PIF1: variants seen among roughly 807,000 people sequenced by gnomAD.
PIF1 encodes the protein PIF1 5'-to-3' DNA helicase, also known as ATP-dependent DNA helicase PIF1.
Under a neutral mutation model 62.3 loss-of-function variants are expected in PIF1, and 67 were observed. The ratio of observed to expected loss-of-function variants is 1.08; its 90% CI spans 0.88 to 1.32. PIF1 has a LOEUF of 1.32. Among genes scored for constraint, PIF1 ranks in the 40% most tolerant of loss-of-function variants. The pLI is 0.00. For missense variants in PIF1, 886 were observed against 866.1 expected, an observed-to-expected ratio of 1.02 and a Z score of -0.29; for synonymous variants, 364 against 379.5, an observed-to-expected ratio of 0.96 and a Z score of 0.47.
chr15:64,816,045 A>G lies in PIF1; in HGVS notation c.*253T>C, dbSNP rs2084175739. 2 of 1,463,534 alleles carry G rather than the reference A, an allele frequency of 1.4e-6. No individual in the cohort carries two copies. Among genetic ancestry groups the G allele is most frequent in the African/African-American group, 1.4e-5 (1 of 70,386 alleles). The allele number at this position is 1,463,534 out of a possible 1,614,324, so 90.7% of individuals were successfully genotyped here. A position where few individuals can be genotyped will look rare whatever the true frequency, so the allele number is the denominator to read the frequency against. ...CAGCTACCACACAGGCTCATTCTCA[A>G]CTGGCACAGAAAGGGTTACTTCTGA... On this transcript the variant is annotated 3_prime_UTR_variant, in exon 13 of 13. Coordinates refer to ENST00000559239, the MANE Select transcript of PIF1 (RefSeq NM_001286496.2).
At position 64,824,056 on chromosome 15, in the gene PIF1, C is replaced by A. The variant is rs940592477; in HGVS notation, c.280G>T (p.Asp94Tyr). 6.3e-6 allele frequency: 8 copies of A among 1,263,414 alleles called. No individual in the cohort carries two copies. Among genetic ancestry groups the A allele is most frequent in the Non-Finnish European group, 8.0e-6 (8 of 1,005,984 alleles). 78.3% of individuals were successfully genotyped at this position (1,263,414 alleles called of 1,614,324 possible). ...GRSTLRLPAH[D>Y]TPGAGAVQLL... ...TGCACTGCGCCGGCCCCGGGGGTGT[C>A]GTGGGCGGGGAGCCGCAGGGTGCTG... The change falls in exon 2 of 13, where the codon GAC becomes TAC. Residue 94 changes from aspartate (D) to tyrosine (Y), a missense_variant. By Grantham distance (160) the Asp-to-Tyr change is radical (BLOSUM62 -3). Coordinates refer to ENST00000559239, the MANE Select transcript of PIF1 (RefSeq NM_001286496.2).
At position 64,823,790 on chromosome 15, in the gene PIF1, G is replaced by A; in HGVS notation, c.546C>T (p.Ala182=). 7.5e-7 allele frequency: 1 copy of A among 1,337,132 alleles called. No individual in the cohort carries two copies. The highest frequency in any genetic ancestry group is 2.8e-5 in the East Asian group (1 of 35,804). The allele number at this position is 1,337,132 out of a possible 1,614,324, so 82.8% of individuals were successfully genotyped here. A position where few individuals can be genotyped will look rare whatever the true frequency, so the allele number is the denominator to read the frequency against. ...TTCCCGTCCTCACTGTGCTAGGCTC[G>A]GCCCCAGCCTGGGGCTCCACAGGCC... is the stretch of plus-strand genomic sequence containing the variant. ...VKRPVEPQAG[A]EPSTEAPRWP... Residue 182 remains alanine (A), a synonymous_variant, in exon 2 of 13, where the codon GCC becomes GCT. Coordinates refer to ENST00000559239, the MANE Select transcript of PIF1 (RefSeq NM_001286496.2).
At chr15:64,820,463 C>G (rs2084269509) in intron 7 of PIF1, among the ~76,000 whole-genome samples, 1 of 152,256 alleles carries the variant, frequency 6.6e-6, no homozygotes, top group East Asian at 1.9e-4. Context: ...GTGGCATGAT[C>G]TTGGCTCACT....
chr15:64,819,759 T>G, intron 8 of PIF1, 88 bp downstream of exon 8: 1 of 1,575,796 alleles, frequency 6.3e-7, no homozygotes, highest in Non-Finnish European at 8.6e-7. Flanking sequence ...GTTGGGGGCC[T>G]AGGACCCAGA....
In PIF1 at chr15:64,821,259, G is replaced by T. The variant is rs1453937304; in HGVS notation, c.994C>A (p.Pro332Thr). Residue 332 changes from proline to threonine, a missense_variant, in exon 6 of 13, where the codon CCA (proline) becomes ACA (threonine). Transcript: ENST00000559239. Reference protein sequence around the residue: ...VARAVRQQNKPFGGIQLIICG... With the variant: ...VARAVRQQNKTFGGIQLIICG... Reference sequence around the variant, plus strand: ...ATGATGAGCTGGATCCCTCCGAATGGCTTGTTCTGCTGCCGGACAGCTCTG... The same window carrying T: ...ATGATGAGCTGGATCCCTCCGAATGTCTTGTTCTGCTGCCGGACAGCTCTG... 6 of 1,614,266 alleles carry T rather than the reference G, an allele frequency of 3.7e-6. No homozygotes were observed. Among genetic ancestry groups the T allele is most frequent in the Non-Finnish European group, 4.2e-6 (5 of 1,180,052 alleles).
intron 7 of PIF1, among the ~76,000 whole-genome samples, chr15:64,820,736 A>G (rs925955053): frequency 2.7e-5 from 4 of 146,428 alleles, no homozygotes; most frequent in Non-Finnish European, 6.0e-5. Context: ...TAGGTGATGG[A>G]GACCCAACCC....
intron 8 of PIF1, 59 bp downstream of exon 8, chr15:64,819,788 G>C: frequency 6.2e-7 from 1 of 1,602,662 alleles, no homozygotes; most frequent in Non-Finnish European, 8.5e-7. Flanking sequence ...TTGCCTGGGG[G>C]CTACATCTGC....
At chr15:64,822,890 ATCCTGTCACTAAAGTTTCCT>A (rs1013506660) in intron 2 of PIF1, among the ~76,000 whole-genome samples, 1 of 151,798 alleles carries the variant, frequency 6.6e-6, no homozygotes, top group Admixed American at 6.6e-5. Context: ...AACCCTTCTC[ATCCTGTCACTAAAGTTTCCT>A]TCCTGTCACC....
chr15:64,825,491 G>A, intron 1 of PIF1, 78 bp downstream of exon 1: 1 of 152,020 alleles, frequency 6.6e-6, no homozygotes, highest in Middle Eastern at 3.2e-3. Context: ...CCTAGAAGCC[G>A]TGCTCCCTCA....
chr15:64,820,080 A>C, intron 7 of PIF1, 94 bp from the exon 8 acceptor site: 1 of 1,474,308 alleles, frequency 6.8e-7, no homozygotes, highest in South Asian at 1.3e-5. Context: ...GCCATGGGTC[A>C]GGCCTTGGGA....
chr15:64,817,493 C>T (rs1201937891), intron 11 of PIF1, among the ~76,000 whole-genome samples: 4 of 151,392 alleles, frequency 2.6e-5, no homozygotes, highest in Admixed American at 6.6e-5. Flanking sequence ...TGCAGTGAGC[C>T]GAGATCACTG....
chr15:64,823,686 C>A (rs1175952698), intron 2 of PIF1, 92 bp downstream of exon 2: 11 of 971,754 alleles, frequency 1.1e-5, no homozygotes, highest in Non-Finnish European at 1.5e-5. Context: ...ATACCCACAC[C>A]GGCTTCCCCT....
At chr15:64,822,681 T>A (rs2084308822) in intron 2 of PIF1, 71 bp from the exon 3 acceptor site, 3 of 1,591,812 alleles carry the variant, frequency 1.9e-6, no homozygotes, top group Admixed American at 3.6e-5. Context: ...TCTTGGCCCA[T>A]GTGCAATGCT....
intron 9 of PIF1, 144 bp from the exon 10 acceptor site, chr15:64,818,488 G>T: frequency 1.4e-6 from 1 of 724,120 alleles, no homozygotes; most frequent in Non-Finnish European, 2.2e-6. Flanking sequence ...CTGGCTGCCT[G>T]TGACCCCTGG....
chr15:64,825,256 G>A (rs1169602424), intron 1 of PIF1, among the ~76,000 whole-genome samples: 1 of 152,042 alleles, frequency 6.6e-6, no homozygotes, highest in South Asian at 2.1e-4. Flanking sequence ...AGCGACTTCT[G>A]CCTTGTAGGT....
chr15:64,826,749 T>C (rs28659814), upstream of PIF1, among the ~76,000 whole-genome samples: 53,988 of 138,424 alleles, frequency 0.39, 11,054 homozygotes, highest in South Asian at 0.46. Context: ...TACACACACA[T>C]ATATATATAT....
chr15:64,817,872 A>G (rs2084212128), intron 11 of PIF1, 74 bp downstream of exon 11: 2 of 1,497,214 alleles, frequency 1.3e-6, no homozygotes, highest in South Asian at 1.3e-5. Context: ...AAAAATAAAA[A>G]AAAGACACAT....
At chr15:64,822,641 C>T (rs1416702071) in intron 2 of PIF1, 31 bp from the exon 3 acceptor site, 24 of 1,611,772 alleles carry the variant, frequency 1.5e-5, no homozygotes, top group Non-Finnish European at 1.9e-5. Context: ...TCAGAGCATC[C>T]TCCCACCCGC....
At chr15:64,826,661 T>TATATATATATAC (rs2084373463), upstream of PIF1, among the ~76,000 whole-genome samples, 5 of 26,592 alleles carry the variant, frequency 1.9e-4, no homozygotes, top group Non-Finnish European at 3.8e-4. Context: ...TATATATATA[T>TATATATATATAC]ATATACACAC....
Sources: gnomAD v4.1 joint callset for allele counts (sites outside exome capture counted in the v4.1 genomes callset) on GRCh38, gnomAD v4.1.1 for gene constraint, MANE v1.5 for transcripts, NCBI Gene and HGNC (gene_info 2026-07-23, HGNC 2026-07-21) for gene names.